GPC6: variants seen among roughly 807,000 people sequenced by gnomAD.
GPC6 encodes glypican 6.
GPC6 carries 14 observed loss-of-function variants against 55.2 expected under a neutral mutation model. The ratio of observed to expected loss-of-function variants is 0.25; its 90% CI spans 0.17 to 0.40. The LOEUF (loss-of-function observed/expected upper bound fraction) is 0.40, where lower values mean the gene tolerates loss of function less well. Among genes scored for constraint, GPC6 ranks in the 10% least tolerant of loss-of-function variants. The pLI is 1.00. For synonymous variants in GPC6, 278 were observed against 259.6 expected, an observed-to-expected ratio of 1.07 and a Z score of -0.68; for missense variants, 641 against 708.5, an observed-to-expected ratio of 0.90 and a Z score of 1.08.
At chr13:93,453,936 T>C (rs1055680188) in intron 1 of GPC6, among the ~76,000 whole-genome samples, 1 of 152,166 alleles carries the variant, frequency 6.6e-6, no homozygotes, top group African/African-American at 2.4e-5. Flanking sequence ...TATTCTTTTA[T>C]CTGGCCCCAC....
chr13:93,329,860 T>C (rs545927021), intron 1 of GPC6, among the ~76,000 whole-genome samples: 1 of 152,214 alleles, frequency 6.6e-6, no homozygotes, highest in African/African-American at 2.4e-5. Context: ...AAACCCTTGT[T>C]GCAAAGGATT....
chr13:93,312,984 TA>T (rs1396975320), intron 1 of GPC6, among the ~76,000 whole-genome samples: 1 of 152,222 alleles, frequency 6.6e-6, no homozygotes, highest in Non-Finnish European at 1.5e-5. Flanking sequence ...ATTAGAGACA[TA>T]ACCATTTTCA....
rs1566536803 is a variant in GPC6 at position 93,789,614 on chromosome 13, T to TATATAATACTAC, written c.320-40535_320-40534insATACTACATATA. On this transcript the variant is annotated intron_variant, in intron 2 of 8. Transcript: ENST00000377047. ...ATAATACTACATATATATATATATA[T>TATATAATACTAC]ATATATATATATATATATATATATA... Among the ~76,000 whole-genome samples the TATATAATACTAC allele has an allele frequency of 6.3e-3, 249 of 39,380 alleles. 14 individuals are homozygous for TATATAATACTAC. Among genetic ancestry groups the TATATAATACTAC allele is most frequent in the East Asian group, 0.016 (10 of 634 alleles). 25.8% of individuals were successfully genotyped at this position (39,380 alleles called of 152,430 possible).
At chr13:93,895,108 T>A (rs1173556223) in intron 3 of GPC6, among the ~76,000 whole-genome samples, 4 of 150,174 alleles carry the variant, frequency 2.7e-5, no homozygotes. Context: ...ATATATATAT[T>A]TTCACCTCTA....
chr13:93,569,657 T>C (rs1324438006), intron 2 of GPC6, among the ~76,000 whole-genome samples: 1 of 152,056 alleles, frequency 6.6e-6, no homozygotes, highest in Admixed American at 6.6e-5. Context: ...CATAACTTAG[T>C]TATCTTAATA....
intron 2 of GPC6, among the ~76,000 whole-genome samples, chr13:93,708,621 T>G (rs1882937868): frequency 6.6e-6 from 1 of 151,808 alleles, no homozygotes; most frequent in South Asian, 2.1e-4. Context: ...TGCATGTGAA[T>G]TTCTTTTCTC....
At chr13:94,036,950 C>T (rs953984371) in intron 4 of GPC6, among the ~76,000 whole-genome samples, 12 of 151,948 alleles carry the variant, frequency 7.9e-5, no homozygotes, top group Admixed American at 7.9e-4. Flanking sequence ...AATTCAGTGC[C>T]TCTAGTTATT....
chr13:93,328,008 T>A (rs760128915), intron 1 of GPC6, among the ~76,000 whole-genome samples: 61 of 151,946 alleles, frequency 4.0e-4, no homozygotes, highest in Non-Finnish European at 6.8e-4. Flanking sequence ...TTTAAAAAAA[T>A]GGCCATTTTG....
chr13:94,402,918 G>A (rs1881205861), intron 8 of GPC6, 97 bp from the exon 9 acceptor site: 2 of 913,588 alleles, frequency 2.2e-6, no homozygotes, highest in Non-Finnish European at 3.7e-6. Flanking sequence ...GACAGGTGGG[G>A]ATTATGGGGA....
intron 3 of GPC6, among the ~76,000 whole-genome samples, chr13:93,901,865 C>T (rs1876372532): frequency 1.4e-5 from 2 of 146,768 alleles, no homozygotes; most frequent in South Asian, 2.2e-4. Context: ...CACGCCACTG[C>T]ACTCCATCCT....
chr13:94,377,131 T>C (rs1266728585), intron 6 of GPC6, among the ~76,000 whole-genome samples: 2 of 151,004 alleles, frequency 1.3e-5, no homozygotes, highest in Non-Finnish European at 3.0e-5. Flanking sequence ...ATTCAGGACA[T>C]AGGCATGGGC....
chr13:93,569,418 A>G (rs1284375496), intron 2 of GPC6, among the ~76,000 whole-genome samples: 2 of 152,166 alleles, frequency 1.3e-5, no homozygotes, highest in African/African-American at 2.4e-5. Flanking sequence ...GAATTCATCT[A>G]TGTGGCATTA....
chr13:93,666,111 C>A (rs1347028327), intron 2 of GPC6, among the ~76,000 whole-genome samples: 1 of 152,140 alleles, frequency 6.6e-6, no homozygotes, highest in African/African-American at 2.4e-5. Context: ...TTCCAGGTAG[C>A]TTTCCTTACT....
chr13:93,576,716 C>T (rs4001852), intron 2 of GPC6, among the ~76,000 whole-genome samples: 30,775 of 151,934 alleles, frequency 0.2, 5,351 homozygotes, highest in African/African-American at 0.44. Context: ...CTTCACGGTT[C>T]TTAATAGTGC....
chr13:94,328,375 A>C (rs190527528), intron 6 of GPC6, among the ~76,000 whole-genome samples: 3 of 152,330 alleles, frequency 2.0e-5, no homozygotes, highest in Admixed American at 2.0e-4. Flanking sequence ...ACTCTTAATT[A>C]GACATGTAAA....
At chr13:93,811,865 A>G (rs538317781) in intron 2 of GPC6, among the ~76,000 whole-genome samples, 1 of 152,250 alleles carries the variant, frequency 6.6e-6, no homozygotes, top group African/African-American at 2.4e-5. Context: ...CTCTGTGCAC[A>G]TCAGTATCAA....
chr13:94,204,272 G>A (rs1223766889), intron 4 of GPC6, among the ~76,000 whole-genome samples: 1 of 152,096 alleles, frequency 6.6e-6, no homozygotes, highest in African/African-American at 2.4e-5. Flanking sequence ...CCAAAAACAA[G>A]TGTGGATAAA....
rs568147509 is a variant in GPC6, at chr13:94,403,312, A to G, written c.*95A>G. 4.7e-5 allele frequency: 42 copies of G among 894,952 alleles called. No individual in the cohort carries two copies. The highest frequency in any genetic ancestry group is 3.9e-4 in the African/African-American group (24 of 61,182). 55.4% of individuals were successfully genotyped at this position (894,952 alleles called of 1,614,324 possible). A position where few individuals can be genotyped will look rare whatever the true frequency, so the allele number is the denominator to read the frequency against. ...CTCTTGGACAATGGACCATGCCACA[A>G]AAACTTACCGTTTTCTATGAGAAGA... On this transcript the variant is annotated 3_prime_UTR_variant, in exon 9 of 9. Coordinates refer to ENST00000377047, the MANE Select transcript of GPC6 (RefSeq NM_005708.5).
chr13:94,307,543 G>A (rs979591154), intron 6 of GPC6, among the ~76,000 whole-genome samples: 1 of 152,092 alleles, frequency 6.6e-6, no homozygotes, highest in Non-Finnish European at 1.5e-5. Flanking sequence ...GAACTCTTGA[G>A]CTCAAGCAAT....
Sources: gnomAD v4.1 joint callset for allele counts (sites outside exome capture counted in the v4.1 genomes callset) on GRCh38, gnomAD v4.1.1 for gene constraint, MANE v1.5 for transcripts, NCBI Gene and HGNC (gene_info 2026-07-23, HGNC 2026-07-21) for gene names.